RARB: variants seen among roughly 807,000 people sequenced by gnomAD.
RARB encodes retinoic acid receptor beta.
In RARB, 17 loss-of-function variants were observed where a neutral mutation model predicts 51.9. The observed-to-expected ratio is 0.33, with a 90% confidence interval of 0.22 to 0.49. The LOEUF (loss-of-function observed/expected upper bound fraction) is 0.49. Among genes scored for constraint, RARB ranks in the 20% least tolerant of loss-of-function variants. The probability of loss-of-function intolerance (pLI) is 0.99; values close to 1 mark genes in which losing one functional copy is unlikely to be tolerated. For synonymous variants in RARB, 215 were observed against 195.4 expected, an observed-to-expected ratio of 1.10 and a Z score of -0.84; for missense variants, 369 against 550.8, an observed-to-expected ratio of 0.67 and a Z score of 3.30.
At chr3:25,033,786 C>T (rs1697926027) in intron 2 of RARB, among the ~76,000 whole-genome samples, 1 of 152,156 alleles carries the variant, frequency 6.6e-6, no homozygotes, top group Non-Finnish European at 1.5e-5. Context: ...AAATTTCAGC[C>T]TAGGCAAGTT....
intron 2 of RARB, among the ~76,000 whole-genome samples, chr3:24,988,670 T>C (rs1439923376): frequency 6.6e-6 from 1 of 152,196 alleles, no homozygotes; most frequent in African/African-American, 2.4e-5. Flanking sequence ...ACAACTTTAT[T>C]TTCAAAAATT....
At chr3:25,515,852 T>C (rs757362563) in intron 3 of RARB, among the ~76,000 whole-genome samples, 1 of 152,206 alleles carries the variant, frequency 6.6e-6, no homozygotes, top group Non-Finnish European at 1.5e-5. Flanking sequence ...TATGTGTGTA[T>C]TTTATACCTC....
Position 24,841,194 on chromosome 3 carries a change from C to T in RARB, c.-459+11791C>T, listed in dbSNP as rs190084238. Among the ~76,000 whole-genome samples the T allele has an allele frequency of 5.3e-5, 8 of 152,302 alleles. No individual in the cohort carries two copies. In the East Asian group the frequency reaches 1.2e-3, roughly 22 times the overall value. On this transcript the variant is annotated intron_variant, in intron 1 of 11. Transcript: ENST00000383772. ...TTATTGTATACTCAATTCAACAATTCCATGGACGTTTTCCCATTTTTCCCA... is the reference window on the plus strand; with the variant it reads ...TTATTGTATACTCAATTCAACAATTTCATGGACGTTTTCCCATTTTTCCCA...
chr3:25,406,267 C>T (rs1053003552), intron 5 of RARB, among the ~76,000 whole-genome samples: 6 of 152,156 alleles, frequency 3.9e-5, no homozygotes, highest in Admixed American at 2.6e-4. Context: ...GAGTTGTCCT[C>T]CTGTATATAG....
chr3:25,164,923 C>G (rs560881401), intron 4 of RARB, among the ~76,000 whole-genome samples: 1 of 152,088 alleles, frequency 6.6e-6, no homozygotes, highest in African/African-American at 2.4e-5. Flanking sequence ...TAATCCCACT[C>G]AGTAACATAT....
Position 25,594,526 on chromosome 3 carries a change from A to G in RARB, c.998A>G (p.Gln333Arg). ...SAICLICGDR[Q>R]DLEEPTKVDK... is the part of the protein sequence containing the mutation. ...CTTTATTCCTGGTATCCAGACCGCC[A>G]GGACCTTGAGGAACCGACAAAAGTA... Residue 333 changes from glutamine (Q) to arginine (R), a missense_variant, in exon 7 of 8, where the codon CAG (glutamine) becomes CGG (arginine). Transcript: ENST00000330688. The G allele has an allele frequency of 6.2e-7, 1 of 1,607,058 alleles. No homozygotes were observed. The highest frequency in any genetic ancestry group is 2.2e-5 in the East Asian group (1 of 44,770).
At chr3:25,256,549 C>G (rs943067125) in intron 5 of RARB, among the ~76,000 whole-genome samples, 2 of 152,028 alleles carry the variant, frequency 1.3e-5, no homozygotes, top group Non-Finnish European at 2.9e-5. Context: ...CTTATGAAAA[C>G]AAAACCCTGT....
At position 24,997,340 on chromosome 3, in the gene RARB, A is replaced by G. The variant is rs550925263; in HGVS notation, c.-379-62785A>G. On this transcript the variant is annotated intron_variant, in intron 2 of 11. Coordinates refer to the RARB transcript ENST00000383772. The stretch of plus-strand genomic sequence containing the variant: ...TTCTCCATTCCTTCACTTTCAGCAC[A>G]TGTGTGTCTTTACAGGTGATGTTGG... Among the ~76,000 whole-genome samples, 6 of 150,836 alleles carry G rather than the reference A, an allele frequency of 4.0e-5. No individual in the cohort carries two copies. In the South Asian group the frequency reaches 1.2e-3, roughly 31 times the overall value.
chr3:25,075,625 C>G (rs1421298707), intron 3 of RARB, among the ~76,000 whole-genome samples: 3 of 150,502 alleles, frequency 2.0e-5, no homozygotes, highest in African/African-American at 7.4e-5. Context: ...TATCCATATA[C>G]AGAGGGGATG....
intron 4 of RARB, among the ~76,000 whole-genome samples, chr3:25,145,284 T>C (rs1304179238): frequency 6.6e-6 from 1 of 152,152 alleles, no homozygotes; most frequent in Non-Finnish European, 1.5e-5. Context: ...ACGGCAATGG[T>C]GGTTCCAGAA....
At chr3:25,341,652 G>A (rs1032294896) in intron 5 of RARB, among the ~76,000 whole-genome samples, 1 of 152,044 alleles carries the variant, frequency 6.6e-6, no homozygotes, top group Non-Finnish European at 1.5e-5. Flanking sequence ...TTTGCCCCCA[G>A]GGATATTTGA....
At chr3:25,146,499 G>GTTTTTTTTTTTTTTTTTTTTTTTTTTTT in intron 4 of RARB, among the ~76,000 whole-genome samples, 1 of 104,384 alleles carries the variant, frequency 9.6e-6, no homozygotes. Flanking sequence ...TAAGTTTTTT[G>GTTTTTTTTTTTTTTTTTTTTTTTTTTTT]TTTGTTTGTT....
intron 2 of RARB, among the ~76,000 whole-genome samples, chr3:24,911,483 G>T (rs961421028): frequency 1.3e-5 from 2 of 152,158 alleles, no homozygotes; most frequent in South Asian, 2.1e-4. Flanking sequence ...GAGGAGGAAT[G>T]GTCCCATGGT....
At chr3:25,051,668 A>G (rs1698335766) in intron 2 of RARB, among the ~76,000 whole-genome samples, 1 of 152,186 alleles carries the variant, frequency 6.6e-6, no homozygotes, top group African/African-American at 2.4e-5. Flanking sequence ...TGATAGATAG[A>G]TCAAGAAAGT....
chr3:24,863,459 G>A (rs1702792570), intron 2 of RARB, among the ~76,000 whole-genome samples: 1 of 152,138 alleles, frequency 6.6e-6, no homozygotes, highest in African/African-American at 2.4e-5. Context: ...TTAGCATGAT[G>A]GGCCTTTGGA....
At chr3:25,343,051 T>C (rs1315171593) in intron 5 of RARB, among the ~76,000 whole-genome samples, 2 of 151,162 alleles carry the variant, frequency 1.3e-5, no homozygotes, top group African/African-American at 4.9e-5. Flanking sequence ...TGTGTGTGTG[T>C]GTGTGTGTGT....
chr3:25,424,666 T>A (rs1012647720), upstream of RARB, among the ~76,000 whole-genome samples: 6 of 151,322 alleles, frequency 4.0e-5, no homozygotes, highest in African/African-American at 1.5e-4. Flanking sequence ...ACTTTGCATG[T>A]CTGCCCCTGT....
chr3:25,056,094 C>A (rs1323775360), intron 2 of RARB, among the ~76,000 whole-genome samples: 1 of 152,112 alleles, frequency 6.6e-6, no homozygotes. Flanking sequence ...TGTTTCAAAG[C>A]CCAATGTGCA....
intron 2 of RARB, among the ~76,000 whole-genome samples, chr3:25,000,954 G>T (rs1315601745): frequency 6.6e-6 from 1 of 152,086 alleles, no homozygotes; most frequent in Non-Finnish European, 1.5e-5. Flanking sequence ...TTGATACTTG[G>T]ACAAAATTAT....
Sources: gnomAD v4.1 joint callset for allele counts (sites outside exome capture counted in the v4.1 genomes callset) on GRCh38, gnomAD v4.1.1 for gene constraint, MANE v1.5 for transcripts, NCBI Gene and HGNC (gene_info 2026-07-23, HGNC 2026-07-21) for gene names.